The following CNTNAP2 variants were observed in gnomAD, a reference collection of about 807,000 sequenced individuals.
The protein encoded by CNTNAP2 is contactin-associated protein-like 2.
CNTNAP2 carries 98 observed loss-of-function variants against 155.2 expected under a neutral mutation model. The observed-to-expected ratio is 0.63, with a 90% confidence interval of 0.54 to 0.75. The LOEUF is 0.75. CNTNAP2 is among the 30% of genes least tolerant of loss of function. The pLI, the probability that CNTNAP2 is intolerant of heterozygous loss-of-function variation, is 0.00. For synonymous variants in CNTNAP2, 651 were observed against 631.2 expected, an observed-to-expected ratio of 1.03 and a Z score of -0.47; for missense variants, 1,727 against 1,688.1, an observed-to-expected ratio of 1.02 and a Z score of -0.40.
At chr7:146,738,497 G>A (rs1007817796) in intron 1 of CNTNAP2, among the ~76,000 whole-genome samples, 3 of 151,864 alleles carry the variant, frequency 2.0e-5, no homozygotes, top group Non-Finnish European at 4.4e-5. Context: ...CTTTACCTCT[G>A]CAGAAGCTTT....
intron 3 of CNTNAP2, among the ~76,000 whole-genome samples, chr7:147,007,794 G>A (rs1798551121): frequency 1.3e-5 from 2 of 151,824 alleles, no homozygotes; most frequent in African/African-American, 4.8e-5. Flanking sequence ...ACTATCTTTA[G>A]TCACACCAAC....
chr7:148,250,484 T>C (rs1276248871), intron 20 of CNTNAP2, among the ~76,000 whole-genome samples: 1 of 152,226 alleles, frequency 6.6e-6, no homozygotes, highest in African/African-American at 2.4e-5. Flanking sequence ...GTTTCTTGAA[T>C]GAATAAACGG....
intron 1 of CNTNAP2, among the ~76,000 whole-genome samples, chr7:146,662,931 T>G (rs1800117892): frequency 6.6e-6 from 1 of 152,200 alleles, no homozygotes. Context: ...TTGTCTATAT[T>G]TATGTCCTTT....
intron 1 of CNTNAP2, among the ~76,000 whole-genome samples, chr7:146,480,962 G>A (rs956962070): frequency 3.3e-5 from 5 of 151,336 alleles, no homozygotes; most frequent in Admixed American, 3.3e-4. Context: ...CCACAGGCAT[G>A]AGCCACCGCG....
chr7:147,435,483 A>G (rs570543861), intron 10 of CNTNAP2, among the ~76,000 whole-genome samples: 9 of 152,230 alleles, frequency 5.9e-5, no homozygotes, highest in Non-Finnish European at 1.3e-4. Context: ...ATCTGAGACT[A>G]TATATCCATG....
intron 1 of CNTNAP2, among the ~76,000 whole-genome samples, chr7:146,305,791 G>A (rs1308700183): frequency 6.6e-6 from 1 of 152,090 alleles, no homozygotes; most frequent in Non-Finnish European, 1.5e-5. Flanking sequence ...ACAAGAGAAA[G>A]CAGGAAAGAT....
At chr7:147,651,883 C>T (rs1308945066) in intron 13 of CNTNAP2, among the ~76,000 whole-genome samples, 5 of 152,150 alleles carry the variant, frequency 3.3e-5, no homozygotes, top group African/African-American at 9.6e-5. Context: ...CAAATACAAA[C>T]ATCCTCTTTC....
In CNTNAP2 at chr7:147,805,651, T is replaced by G. The variant is rs1392878802; in HGVS notation, c.2099-97914T>G. ...TATCATGAAGGAATGCTGGGTTTTA[T>G]CAAATGCTTTTTCTAGCCTCTATTA... On this transcript the variant is annotated intron_variant, in intron 13 of 23. Coordinates refer to ENST00000361727, the MANE Select transcript of CNTNAP2 (RefSeq NM_014141.6). 2.6e-5 allele frequency among the ~76,000 whole-genome samples: 4 copies of G among 152,346 alleles called. No homozygotes were observed. The South Asian group carries it at 8.3e-4, about 32-fold the overall frequency.
intron 8 of CNTNAP2, among the ~76,000 whole-genome samples, chr7:147,218,955 A>T (rs182718881): frequency 2.6e-3 from 403 of 152,262 alleles, no homozygotes; most frequent in African/African-American, 9.1e-3. Context: ...GTTCATTTTG[A>T]GCTGCTATAA....
intron 19 of CNTNAP2, among the ~76,000 whole-genome samples, chr7:148,224,826 G>C (rs536738029): frequency 6.6e-6 from 1 of 152,250 alleles, no homozygotes; most frequent in East Asian, 1.9e-4. Context: ...TCACATGGCG[G>C]CAGGAGGGAG....
intron 18 of CNTNAP2, among the ~76,000 whole-genome samples, chr7:148,204,440 G>C (rs561860461): frequency 6.6e-6 from 1 of 150,626 alleles, no homozygotes; most frequent in South Asian, 2.2e-4. Flanking sequence ...ATCAGCAAAT[G>C]GGAATGACTT....
intron 11 of CNTNAP2, among the ~76,000 whole-genome samples, chr7:147,518,390 C>G (rs1771273169): frequency 6.6e-6 from 1 of 152,080 alleles, no homozygotes; most frequent in South Asian, 2.1e-4. Flanking sequence ...GATGAAGAAG[C>G]AGAAGATGAA....
rs1798045985 is a variant in CNTNAP2 at position 146,151,661 on chromosome 7, T to TATATATATAC, written c.97+34697_97+34698insCATATATATA. Among the ~76,000 whole-genome samples, 5 of 40,480 alleles carry TATATATATAC rather than the reference T, an allele frequency of 1.2e-4. No individual in the cohort carries two copies. In the Admixed American group the frequency reaches 1.6e-3, roughly 13 times the overall value. 26.6% of individuals were successfully genotyped at this position (40,480 alleles called of 152,430 possible). A position where few individuals can be genotyped will look rare whatever the true frequency, so the allele number is the denominator to read the frequency against. On this transcript the variant is annotated intron_variant, in intron 1 of 23. Transcript: ENST00000361727. ...ATATATATATATATATATATATATA[T>TATATATATAC]ATATATATATATATATATATGTATA...
At chr7:147,420,486 G>A (rs1797271946) in intron 10 of CNTNAP2, among the ~76,000 whole-genome samples, 1 of 152,108 alleles carries the variant, frequency 6.6e-6, no homozygotes, top group South Asian at 2.1e-4. Context: ...AATAATTAAT[G>A]TATTCATTGA....
intron 13 of CNTNAP2, among the ~76,000 whole-genome samples, chr7:147,744,961 A>G (rs2116493144): frequency 6.6e-6 from 1 of 152,292 alleles, no homozygotes; most frequent in East Asian, 1.9e-4. Flanking sequence ...TAACCAAAGA[A>G]CCAGAAAAAT....
chr7:148,071,462 G>A (rs1803380969), intron 15 of CNTNAP2, among the ~76,000 whole-genome samples: 1 of 152,160 alleles, frequency 6.6e-6, no homozygotes, highest in South Asian at 2.1e-4. Context: ...CTGGGTGACA[G>A]AGCGAGACTC....
At position 148,333,394 on chromosome 7, in the gene CNTNAP2, C is replaced by T. The variant is rs938204663; in HGVS notation, c.3476-50255C>T. ...GGTGAGCCGAGATTGCGCGACTGTGCTCCATCCTGGGTGACAGATCAGATT... is the reference window on the plus strand; with the variant it reads ...GGTGAGCCGAGATTGCGCGACTGTGTTCCATCCTGGGTGACAGATCAGATT... On this transcript the variant is annotated intron_variant, in intron 21 of 23. Coordinates refer to ENST00000361727, the MANE Select transcript of CNTNAP2 (RefSeq NM_014141.6). 2.6e-5 allele frequency among the ~76,000 whole-genome samples: 4 copies of T among 151,302 alleles called. 1 individual carries two copies. Among genetic ancestry groups the T allele is most frequent in the Non-Finnish European group, 4.4e-5 (3 of 67,984 alleles).
intron 8 of CNTNAP2, among the ~76,000 whole-genome samples, chr7:147,225,553 T>A (rs1432733671): frequency 2.0e-5 from 3 of 152,168 alleles, no homozygotes; most frequent in Non-Finnish European, 4.4e-5. Context: ...CTACATTTTA[T>A]CATGCTGCCA....
At chr7:146,197,795 G>A (rs375668227) in intron 1 of CNTNAP2, among the ~76,000 whole-genome samples, 12 of 152,058 alleles carry the variant, frequency 7.9e-5, no homozygotes, top group Admixed American at 2.6e-4. Flanking sequence ...ATTAAAAGCC[G>A]GTTTCTTGAG....
Sources: allele counts gnomAD v4.1 joint callset (sites outside exome capture counted in the v4.1 genomes callset), GRCh38; gene constraint gnomAD v4.1.1; transcripts MANE v1.5; gene names NCBI Gene and HGNC (gene_info 2026-07-23, HGNC 2026-07-21).